ERO1B: variants seen among roughly 807,000 people sequenced by gnomAD.
ERO1B encodes ERO1-like protein beta.
ERO1B carries 49 observed loss-of-function variants against 75.3 expected under a neutral mutation model. The ratio of observed to expected loss-of-function variants is 0.65; its 90% confidence interval spans 0.52 to 0.83. The LOEUF is 0.83. Among genes scored for constraint, ERO1B ranks in the 40% least tolerant of loss-of-function variants. The pLI is 0.00. For synonymous variants in ERO1B, 191 were observed against 192.9 expected, an observed-to-expected ratio of 0.99 and a Z score of 0.08; for missense variants, 512 against 560.1, an observed-to-expected ratio of 0.91 and a Z score of 0.87.
At chr1:236,281,618 GC>G in intron 1 of ERO1B, 63 bp downstream of exon 1, 2 of 1,089,046 alleles carry the variant, frequency 1.8e-6, no homozygotes, top group Non-Finnish European at 1.2e-6. Context: ...CACAGCCGCG[GC>G]CCGTGTGTAG....
intron 2 of ERO1B, among the ~76,000 whole-genome samples, chr1:236,257,074 GTCATA>G (rs1474395755): frequency 6.6e-6 from 1 of 152,164 alleles, no homozygotes; most frequent in Non-Finnish European, 1.5e-5. Context: ...AATATCTCTA[GTCATA>G]TCCCAAGGGA....
In ERO1B at chr1:236,218,504, T is replaced by G. The variant is rs1489644328; in HGVS notation, c.*12A>C. 1 of 1,435,174 alleles carries G rather than the reference T, an allele frequency of 7.0e-7. No homozygotes were observed. Among genetic ancestry groups the G allele is most frequent in the Non-Finnish European group, 9.2e-7 (1 of 1,089,422 alleles). 88.9% of individuals were successfully genotyped at this position (1,435,174 alleles called of 1,614,324 possible). A position where few individuals can be genotyped will look rare whatever the true frequency, so the allele number is the denominator to read the frequency against. ...CACTTTATGTCTCTAGTTAGACACA[T>G]AAAAGCCTTTATTACCTACTGTGTT... On this transcript the variant is annotated 3_prime_UTR_variant, in exon 16 of 16. Coordinates refer to ENST00000354619, the MANE Select transcript of ERO1B (RefSeq NM_019891.4).
chr1:236,229,811 AAT>A (rs1664357863), intron 10 of ERO1B, among the ~76,000 whole-genome samples: 1 of 152,204 alleles, frequency 6.6e-6, no homozygotes, highest in African/African-American at 2.4e-5. Context: ...TAACGTGGCA[AAT>A]ATGTTTCGAA....
chr1:236,238,784 C>T (rs1345143557), intron 6 of ERO1B, among the ~76,000 whole-genome samples: 3 of 151,572 alleles, frequency 2.0e-5, no homozygotes, highest in African/African-American at 7.3e-5. Flanking sequence ...GTATAGAATC[C>T]TCTACAAACG....
Position 236,241,919 on chromosome 1 carries a change from T to G in ERO1B, c.505+1503A>C, listed in dbSNP as rs1160838368. Among the ~76,000 whole-genome samples the G allele has an allele frequency of 3.3e-5, 5 of 151,738 alleles. No individual in the cohort carries two copies. The East Asian group carries it at 5.8e-4, about 18-fold the overall frequency. ...CCGTCTCTACTAAATATACAAAAAA[T>G]TAGCTGGGCGTGGTGGTGGGCACCT... On this transcript the variant is annotated intron_variant, in intron 6 of 15. Transcript: ENST00000354619.
At chr1:236,259,660 A>G (rs114295298) in intron 2 of ERO1B, among the ~76,000 whole-genome samples, 2,079 of 152,152 alleles carry the variant, frequency 0.014, 33 homozygotes, top group African/African-American at 0.045. Context: ...TTAAAATGAT[A>G]AGGGGGTCAA....
At chr1:236,220,635 T>C (rs748864643) in intron 15 of ERO1B, 197 bp downstream of exon 15, 19 of 386,972 alleles carry the variant, frequency 4.9e-5, no homozygotes, top group East Asian at 1.3e-4. Context: ...ACACTGGCAA[T>C]TGGAAACTTA....
chr1:236,242,069 A>C (rs1177548243), intron 6 of ERO1B, among the ~76,000 whole-genome samples: 1 of 21,898 alleles, frequency 4.6e-5, no homozygotes, highest in Non-Finnish European at 6.0e-4. Context: ...CTCTGTCTCA[A>C]AAAAAAAAAA....
intron 10 of ERO1B, among the ~76,000 whole-genome samples, 170 bp from the exon 11 acceptor site, chr1:236,226,909 A>AT (rs1664293298): frequency 6.6e-6 from 1 of 152,208 alleles, no homozygotes; most frequent in Non-Finnish European, 1.5e-5. Context: ...GCAAAGTAAG[A>AT]TTTTGGCTTC....
chr1:236,254,941 G>C (rs2102958183), intron 2 of ERO1B, among the ~76,000 whole-genome samples: 1 of 148,788 alleles, frequency 6.7e-6, no homozygotes, highest in East Asian at 2.0e-4. Context: ...TTTCTTTTTT[G>C]AGACAGAGTC....
At chr1:236,234,236 CCT>C (rs1482273512) in intron 8 of ERO1B, among the ~76,000 whole-genome samples, 6 of 152,126 alleles carry the variant, frequency 3.9e-5, no homozygotes, top group African/African-American at 1.4e-4. Flanking sequence ...CTCTTCCCTT[CCT>C]CTTTTTCTAT....
chr1:236,245,313 T>C lies in ERO1B; in HGVS notation c.432-1818A>G, dbSNP rs1288183193. Among the ~76,000 whole-genome samples, 10 of 21,090 alleles carry C rather than the reference T, an allele frequency of 4.7e-4. 4 individuals carry two copies. Among genetic ancestry groups the C allele is most frequent in the South Asian group, 2.2e-3 (1 of 456 alleles). The allele number at this position is 21,090 out of a possible 152,430, so 13.8% of individuals were successfully genotyped here. On this transcript the variant is annotated intron_variant, in intron 5 of 15. Transcript: ENST00000354619. ...CCCAGTCAAAATATATATATATATA[T>C]ATATATATACACACACGTATATATA...
At chr1:236,257,030 G>T (rs1665175094) in intron 2 of ERO1B, among the ~76,000 whole-genome samples, 1 of 152,184 alleles carries the variant, frequency 6.6e-6, no homozygotes, top group South Asian at 2.1e-4. Context: ...TCTCTGCAAG[G>T]AAAGAAGAAA....
At chr1:236,230,987 T>C (rs992228498) in intron 9 of ERO1B, among the ~76,000 whole-genome samples, 1 of 151,514 alleles carries the variant, frequency 6.6e-6, no homozygotes, top group African/African-American at 2.4e-5. Context: ...TCTGAAAACA[T>C]AGGGCAAACA....
intron 4 of ERO1B, 152 bp from the exon 5 acceptor site, chr1:236,250,119 T>C (rs1664980163): frequency 4.2e-6 from 2 of 472,398 alleles, no homozygotes; most frequent in South Asian, 5.0e-5. Flanking sequence ...GAAATACAAA[T>C]GAAAATGAGG....
At chr1:236,276,149 TGTGGAAAAAGCAGA>T (rs1665707129) in intron 1 of ERO1B, among the ~76,000 whole-genome samples, 1 of 152,150 alleles carries the variant, frequency 6.6e-6, no homozygotes, top group Non-Finnish European at 1.5e-5. Context: ...GGGGGAAGAC[TGTGGAAAAAGCAGA>T]TTTGGGGGAA....
At chr1:236,258,419 T>C (rs987881559) in intron 2 of ERO1B, among the ~76,000 whole-genome samples, 10 of 151,944 alleles carry the variant, frequency 6.6e-5, no homozygotes, top group Non-Finnish European at 1.5e-4. Context: ...AGAAAAAGAA[T>C]TGTCAACCAA....
At chr1:236,219,312 G>A (rs1664076161) in intron 15 of ERO1B, among the ~76,000 whole-genome samples, 2 of 152,228 alleles carry the variant, frequency 1.3e-5, no homozygotes, top group South Asian at 4.1e-4. Flanking sequence ...CTAAAGGGCA[G>A]GCCAGGATTC....
intron 2 of ERO1B, among the ~76,000 whole-genome samples, chr1:236,259,627 T>A (rs1003165727): frequency 6.6e-6 from 1 of 152,050 alleles, no homozygotes; most frequent in Non-Finnish European, 1.5e-5. Context: ...GTCAAACATG[T>A]AAAAAGAGAT....
Sources: gnomAD v4.1 joint callset for allele counts (sites outside exome capture counted in the v4.1 genomes callset) on GRCh38, gnomAD v4.1.1 for gene constraint, MANE v1.5 for transcripts, NCBI Gene and HGNC (gene_info 2026-07-23, HGNC 2026-07-21) for gene names.